The following USP43 variants were observed in gnomAD, a reference collection of about 807,000 sequenced individuals.
USP43 encodes the protein ubiquitin carboxyl-terminal hydrolase 43.
USP43 carries 33 observed loss-of-function variants against 90.7 expected under a neutral mutation model. That is an observed-to-expected ratio of 0.36 (90% CI 0.28 to 0.49). The LOEUF is 0.49. Among genes scored for constraint, USP43 ranks in the 20% least tolerant of loss-of-function variants. The pLI, the probability that USP43 is intolerant of heterozygous loss-of-function variation, is 0.98. For missense variants in USP43, 1,274 were observed against 1,476.4 expected (o/e 0.86, Z 2.25); for synonymous variants, 598 against 615.8 (o/e 0.97, Z 0.43).
At chr17:9,712,254 T>C in intron 14 of USP43, 122 bp downstream of exon 14, 1 of 1,221,112 alleles carries the variant, frequency 8.2e-7, no homozygotes, top group Non-Finnish European at 1.1e-6. Flanking sequence ...TACGAGAGGT[T>C]TGTTCATCTC....
chr17:9,729,683 T>C lies in USP43; in HGVS notation c.*693T>C, dbSNP rs558731565. 3.4e-4 allele frequency: 52 copies of C among 152,330 alleles called. No individual in the cohort carries two copies. Among genetic ancestry groups the C allele is most frequent in the African/African-American group, 1.2e-3 (50 of 41,580 alleles). 9.4% of individuals were successfully genotyped at this position (152,330 alleles called of 1,614,324 possible). Reference sequence around the variant, plus strand: ...TACAATTTTAATAAAATCCTGTCCATGAAACACGCATGGCTGTCTGAATTA... The same window carrying C: ...TACAATTTTAATAAAATCCTGTCCACGAAACACGCATGGCTGTCTGAATTA... On this transcript the variant is annotated 3_prime_UTR_variant, in exon 15 of 15. Coordinates refer to ENST00000285199, the MANE Select transcript of USP43 (RefSeq NM_153210.5).
Position 9,645,665 on chromosome 17 carries a change from G to T in USP43, c.33G>T (p.Gly11=). The stretch of plus-strand genomic sequence containing the variant: ...TGGGCCCCGGGGACGCGGCAGGAGG[G>T]GGACCGCTCGCGCCCCGGCCCCGCC... MDLGPGDAAG[G]GPLAPRPRRR... Residue 11 remains glycine, a synonymous_variant, in exon 1 of 15, where the codon GGG becomes GGT. Coordinates refer to ENST00000285199, the MANE Select transcript of USP43 (RefSeq NM_153210.5). The surrounding 1 kb of genome is among the most constrained non-coding windows in gnomAD (Gnocchi z 6.8). The T allele has an allele frequency of 8.7e-6, 11 of 1,270,632 alleles. No homozygotes were observed. The highest frequency in any genetic ancestry group is 1.1e-5 in the Non-Finnish European group (11 of 1,014,236). 78.7% of individuals were successfully genotyped at this position (1,270,632 alleles called of 1,614,324 possible). A position where few individuals can be genotyped will look rare whatever the true frequency, so the allele number is the denominator to read the frequency against.
At chr17:9,654,649 T>TAA (rs774004761) in intron 1 of USP43, among the ~76,000 whole-genome samples, 2 of 129,112 alleles carry the variant, frequency 1.5e-5, no homozygotes, top group Non-Finnish European at 3.3e-5. Context: ...AACACTGTCT[T>TAA]AAAAAAAAAA....
chr17:9,682,981 T>A (rs1299401637), intron 7 of USP43, 23 bp downstream of exon 7: 6 of 1,608,640 alleles, frequency 3.7e-6, no homozygotes, highest in Non-Finnish European at 5.1e-6. Context: ...TTATTCTTTT[T>A]TCATGTGGTG....
At position 9,701,632 on chromosome 17, in the gene USP43, T is replaced by C. The variant is rs1160732459; in HGVS notation, c.1943T>C (p.Leu648Pro). Reference protein sequence around the residue: ...QPDCLPTSYPLDFLYDLYAVC... With the variant: ...QPDCLPTSYPPDFLYDLYAVC... ...GACTGCCTGCCCACCAGTTACCCGC[T>C]GGACTTCCTGTACGACCTGTATGCC... is the stretch of plus-strand genomic sequence containing the variant. The change falls in exon 12 of 15, where the codon CTG becomes CCG. Residue 648 changes from leucine to proline, a missense_variant. Physicochemically the swap from Leu to Pro is moderately conservative, Grantham distance 98. This residue lies in a region of USP43 where 285 missense variants were observed against 349.6 expected (regional missense o/e 0.82). Transcript: ENST00000285199. This position sits in a 1 kb window ranked among gnomAD's most constrained non-coding sequence, Gnocchi z 7.2. The C allele has an allele frequency of 1.3e-6, 2 of 1,590,844 alleles. No individual in the cohort carries two copies. Among genetic ancestry groups the C allele is most frequent in the Non-Finnish European group, 1.7e-6 (2 of 1,169,410 alleles).
chr17:9,684,204 T>A (rs866977663), intron 7 of USP43, among the ~76,000 whole-genome samples: 3 of 152,104 alleles, frequency 2.0e-5, no homozygotes, highest in Middle Eastern at 3.4e-3. Flanking sequence ...ATTTATGTCC[T>A]TGGGTGGGGG....
intron 6 of USP43, among the ~76,000 whole-genome samples, chr17:9,681,759 C>T (rs949338427): frequency 6.6e-6 from 1 of 151,738 alleles, no homozygotes; most frequent in African/African-American, 2.4e-5. Context: ...CTCCGAAAGT[C>T]CTGGGATTAC....
chr17:9,682,938 G>T lies in USP43; in HGVS notation c.1221G>T (p.Gly407=). Reference sequence around the variant, plus strand: ...TAATCCTCTTCTGTAACTTGGTGGGGTCAGGGCAGCAGGCTAGCAGGTATG... The same window carrying T: ...TAATCCTCTTCTGTAACTTGGTGGGTTCAGGGCAGCAGGCTAGCAGGTATG... ...KVLILFCNLV[G]SGQQASRFGP... is the part of the protein sequence containing the mutation. Residue 407 remains glycine (G), a synonymous_variant, in exon 7 of 15, where the codon GGG becomes GGT. Transcript: ENST00000285199. 6.2e-7 allele frequency: 1 copy of T among 1,613,904 alleles called. No homozygotes were observed. The highest frequency in any genetic ancestry group is 8.5e-7 in the Non-Finnish European group (1 of 1,179,818).
intron 6 of USP43, among the ~76,000 whole-genome samples, chr17:9,681,462 T>TTTTATA (rs1491455898): frequency 0.015 from 274 of 18,560 alleles, 9 homozygotes; most frequent in African/African-American, 0.037. Context: ...ATAAAATATA[T>TTTTATA]TATATATATA....
intron 9 of USP43, 66 bp downstream of exon 9, chr17:9,693,296 G>A: frequency 7.6e-7 from 1 of 1,309,696 alleles, no homozygotes; most frequent in African/African-American, 1.5e-5. Flanking sequence ...AGTCCTTTGA[G>A]GGTATATGTC....
chr17:9,691,967 G>T (rs894343452), intron 8 of USP43, among the ~76,000 whole-genome samples: 1 of 151,556 alleles, frequency 6.6e-6, no homozygotes, highest in Non-Finnish European at 1.5e-5. Flanking sequence ...GCAAGAACCC[G>T]GGAGGCAGAG....
chr17:9,712,359 C>T (rs1225383693), intron 14 of USP43, among the ~76,000 whole-genome samples: 1 of 152,116 alleles, frequency 6.6e-6, no homozygotes, highest in African/African-American at 2.4e-5. Context: ...CCCCGTGTAG[C>T]TTATTGTCAT....
chr17:9,681,752 C>G (rs576248327), intron 6 of USP43, among the ~76,000 whole-genome samples: 1 of 151,698 alleles, frequency 6.6e-6, no homozygotes, highest in African/African-American at 2.4e-5. Flanking sequence ...CCTCAGCCTC[C>G]GAAAGTCCTG....
At position 9,690,664 on chromosome 17, in the gene USP43, C is replaced by G. The variant is rs528333776; in HGVS notation, c.1354-2463C>G. On this transcript the variant is annotated intron_variant, in intron 8 of 14. Coordinates refer to ENST00000285199, the MANE Select transcript of USP43 (RefSeq NM_153210.5). ...CTTTGGGAGGCCGAGGCAGGTGGAT[C>G]ACCTGAGGTCAGGAGCTCAAGACCA... Among the ~76,000 whole-genome samples, 7 of 152,292 alleles carry G rather than the reference C, an allele frequency of 4.6e-5. No individual in the cohort carries two copies. The South Asian group carries it at 1.5e-3, about 32-fold the overall frequency.
Position 9,686,233 on chromosome 17 carries a change from G to T in USP43, c.1242-565G>T, listed in dbSNP as rs762717734. On this transcript the variant is annotated intron_variant, in intron 7 of 14. Coordinates refer to ENST00000285199, the MANE Select transcript of USP43 (RefSeq NM_153210.5). The surrounding 1 kb of genome is among the most constrained non-coding windows in gnomAD (Gnocchi z 5.5). ...CATTCATCCACCGATGTACACTTAG[G>T]TTGATTTGGAATCTTGGCTATTGTG... 6.6e-6 allele frequency among the ~76,000 whole-genome samples: 1 copy of T among 152,104 alleles called. No individual in the cohort carries two copies. Among genetic ancestry groups the T allele is most frequent in the African/African-American group, 2.4e-5 (1 of 41,400 alleles).
At chr17:9,662,741 C>T (rs1452441603) in intron 2 of USP43, among the ~76,000 whole-genome samples, 2 of 152,074 alleles carry the variant, frequency 1.3e-5, no homozygotes, top group African/African-American at 4.8e-5. Flanking sequence ...ATCAGGTACT[C>T]CTCCTTGTGT....
intron 3 of USP43, among the ~76,000 whole-genome samples, chr17:9,670,879 G>A (rs576592574): frequency 2.0e-5 from 3 of 152,262 alleles, no homozygotes; most frequent in African/African-American, 7.2e-5. Flanking sequence ...ATAAAGACAA[G>A]GTGTCGTCAG....
chr17:9,650,606 T>TTGGCCATGC (rs1424793180), intron 1 of USP43, among the ~76,000 whole-genome samples: 8 of 152,178 alleles, frequency 5.3e-5, no homozygotes, highest in Admixed American at 2.0e-4. Context: ...TTTCGCCATG[T>TTGGCCATGC]TGGCCATGCT....
intron 9 of USP43, 39 bp downstream of exon 9, chr17:9,693,269 C>G: frequency 6.6e-7 from 1 of 1,510,442 alleles, no homozygotes; most frequent in Non-Finnish European, 9.1e-7. Context: ...CTAATGAACC[C>G]TTTCTTATTT....
Sources: gnomAD v4.1 joint callset for allele counts (sites outside exome capture counted in the v4.1 genomes callset) on GRCh38, gnomAD v4.1.1 for gene constraint, gnomAD v4.1.1 regional missense constraint, Gnocchi (gnomAD v3.1) non-coding constraint, MANE v1.5 for transcripts, NCBI Gene and HGNC (gene_info 2026-07-23, HGNC 2026-07-21) for gene names.